Variants in MEGF9 observed in about 807,000 individuals in gnomAD.
MEGF9 encodes the protein multiple epidermal growth factor-like domains protein 9.
MEGF9 carries 6 observed loss-of-function variants against 46.8 expected under a neutral mutation model. The observed-to-expected ratio is 0.13, with a 90% CI of 0.07 to 0.25. The LOEUF is 0.25. MEGF9 is among the 10% of genes least tolerant of loss of function. MEGF9 has a pLI of 1.00. For missense variants in MEGF9, 683 were observed against 792.4 expected (o/e 0.86, Z 1.66); for synonymous variants, 302 against 330.7 (o/e 0.91, Z 0.94).
chr9:120,699,795 G>C (rs2043895408), intron 1 of MEGF9, among the ~76,000 whole-genome samples: 1 of 149,008 alleles, frequency 6.7e-6, no homozygotes, highest in Non-Finnish European at 1.5e-5. Context: ...ATTACATAAA[G>C]CACAACTTAT....
Position 120,630,329 on chromosome 9 carries a change from T to C in MEGF9, c.804-7574A>G, listed in dbSNP as rs567386913. Among the ~76,000 whole-genome samples the C allele has an allele frequency of 4.6e-5, 7 of 152,358 alleles. No homozygotes were observed. The South Asian group carries it at 1.0e-3, about 23-fold the overall frequency. ...AGATAATGTTCTTCAAGTTCATCCA[T>C]TGTGCCATGAATGATAGAATTTCAT... On this transcript the variant is annotated intron_variant, in intron 2 of 5. Transcript: ENST00000373930.
At chr9:120,698,277 ATCCCAAGGAGTATATAC>A (rs2043887892) in intron 1 of MEGF9, among the ~76,000 whole-genome samples, 2 of 152,204 alleles carry the variant, frequency 1.3e-5, no homozygotes, top group African/African-American at 2.4e-5. Flanking sequence ...CCTACATAAG[ATCCCAAGGAGTATATAC>A]TCACCAGAAC....
At chr9:120,707,977 G>A (rs189788039) in intron 1 of MEGF9, among the ~76,000 whole-genome samples, 478 of 152,200 alleles carry the variant, frequency 3.1e-3, no homozygotes, top group Non-Finnish European at 4.5e-3. Flanking sequence ...CTTGGGAGGC[G>A]GAGGTTGCAG....
rs1196347079 is a variant in MEGF9, at chr9:120,601,450, G to A, written c.*3740C>T. ...TCTACTCCCAAAACAGCACTTAAAGGGTTAAATATCCTGATGGTACTCAGC... is the reference window on the plus strand; with the variant it reads ...TCTACTCCCAAAACAGCACTTAAAGAGTTAAATATCCTGATGGTACTCAGC... On this transcript the variant is annotated 3_prime_UTR_variant, in exon 6 of 6. Transcript: ENST00000373930. 6.6e-6 allele frequency: 1 copy of A among 152,146 alleles called. No homozygotes were observed. Among genetic ancestry groups the A allele is most frequent in the East Asian group, 1.9e-4 (1 of 5,198 alleles). 9.4% of individuals were successfully genotyped at this position (152,146 alleles called of 1,614,324 possible). A position where few individuals can be genotyped will look rare whatever the true frequency, so the allele number is the denominator to read the frequency against.
At chr9:120,707,227 T>TAA (rs1449154529) in intron 1 of MEGF9, among the ~76,000 whole-genome samples, 4 of 152,194 alleles carry the variant, frequency 2.6e-5, no homozygotes, top group Non-Finnish European at 4.4e-5. Context: ...TAATTACTAT[T>TAA]ATAGTAGTCC....
chr9:120,714,268 CGGCG>C lies in MEGF9; in HGVS notation c.87_90del (p.Ala30ProfsTer130), dbSNP rs1218125247. The C allele has an allele frequency of 9.1e-5, 11 of 121,388 alleles. No individual in the cohort carries two copies. Among genetic ancestry groups the C allele is most frequent in the Non-Finnish European group, 6.5e-5 (6 of 92,484 alleles). 7.5% of individuals were successfully genotyped at this position (121,388 alleles called of 1,614,324 possible). ...CCCGCCGAGGCGGCTGAGGCGACGG[CGGCG>C]GCGGCGGCGGCGGCGGCGCAGCACA... On this transcript the variant is annotated frameshift_variant, in exon 1 of 6. Transcript: ENST00000373930. LOFTEE classifies it high-confidence loss of function.
intron 2 of MEGF9, among the ~76,000 whole-genome samples, chr9:120,653,030 TC>T (rs1253861564): frequency 6.6e-6 from 1 of 152,180 alleles, no homozygotes; most frequent in Non-Finnish European, 1.5e-5. Flanking sequence ...CAAATTCCGC[TC>T]CCTTTCTACT....
chr9:120,689,163 A>G (rs1017273806), intron 1 of MEGF9, among the ~76,000 whole-genome samples: 5 of 152,344 alleles, frequency 3.3e-5, no homozygotes, highest in African/African-American at 1.2e-4. Context: ...GTGTTTGCAC[A>G]TGGAGAACCA....
chr9:120,622,578 T>C (rs2043504935), intron 3 of MEGF9, 38 bp downstream of exon 3: 5 of 1,608,512 alleles, frequency 3.1e-6, no homozygotes, highest in Non-Finnish European at 4.2e-6. Flanking sequence ...AAAAGAACAG[T>C]GGAATAATTA....
intron 1 of MEGF9, among the ~76,000 whole-genome samples, chr9:120,677,148 T>G (rs2043776744): frequency 6.6e-6 from 1 of 150,842 alleles, no homozygotes; most frequent in African/African-American, 2.4e-5. Context: ...TGTGTGTATG[T>G]GACCGGATCT....
intron 2 of MEGF9, among the ~76,000 whole-genome samples, chr9:120,640,185 G>C (rs569563944): frequency 2.3e-4 from 35 of 152,116 alleles, no homozygotes; most frequent in Admixed American, 5.9e-4. Flanking sequence ...CCTAACTCCT[G>C]TTCCCAATTT....
Position 120,713,932 on chromosome 9 carries a change from G to A in MEGF9, c.427C>T (p.Pro143Ser). Residue 143 changes from proline (P) to serine (S), a missense_variant, in exon 1 of 6, where the codon CCC becomes TCC. By Grantham distance (74) the Pro-to-Ser change is moderately conservative. Coordinates refer to ENST00000373930, the MANE Select transcript of MEGF9 (RefSeq NM_001080497.3). Reference sequence around the variant, plus strand: ...GTCGTCGAAAGGGTGGTCGGCGCGGGTCTGGTCGGCGCCTGAGAGGTGGTC... The same window carrying A: ...GTCGTCGAAAGGGTGGTCGGCGCGGATCTGGTCGGCGCCTGAGAGGTGGTC... ...TSTTSQAPTR[P>S]APTTLSTTTG... is the part of the protein sequence containing the mutation. 7.3e-7 allele frequency: 1 copy of A among 1,368,448 alleles called. No homozygotes were observed. Among genetic ancestry groups the A allele is most frequent in the Non-Finnish European group, 9.5e-7 (1 of 1,055,686 alleles). The allele number at this position is 1,368,448 out of a possible 1,614,324, so 84.8% of individuals were successfully genotyped here. A position where few individuals can be genotyped will look rare whatever the true frequency, so the allele number is the denominator to read the frequency against.
Position 120,714,183 on chromosome 9 carries a change from A to C in MEGF9, c.176T>G (p.Leu59Trp). The C allele has an allele frequency of 8.1e-7, 1 of 1,235,102 alleles. No homozygotes were observed. Among genetic ancestry groups the C allele is most frequent in the Non-Finnish European group, 1.0e-6 (1 of 990,570 alleles). 76.5% of individuals were successfully genotyped at this position (1,235,102 alleles called of 1,614,324 possible). A position where few individuals can be genotyped will look rare whatever the true frequency, so the allele number is the denominator to read the frequency against. ...GQVDASPGPG[L>W]RGEPSHPFPR... Reference sequence around the variant, plus strand: ...GAAGGGGTGGCTGGGCTCGCCCCGCAACCCGGGGCCCGGCGACGCGTCCAC... The same window carrying C: ...GAAGGGGTGGCTGGGCTCGCCCCGCCACCCGGGGCCCGGCGACGCGTCCAC... Residue 59 changes from leucine to tryptophan, a missense_variant, in exon 1 of 6, where the codon TTG (leucine) becomes TGG (tryptophan). By Grantham distance (61) the Leu-to-Trp change is moderately conservative. Transcript: ENST00000373930.
intron 1 of MEGF9, among the ~76,000 whole-genome samples, chr9:120,707,438 G>A (rs2043933798): frequency 1.3e-5 from 2 of 152,216 alleles, no homozygotes; most frequent in Non-Finnish European, 2.9e-5. Flanking sequence ...GATACGTGCA[G>A]TTTGCTGCAG....
At chr9:120,635,364 C>T (rs2043569471) in intron 2 of MEGF9, among the ~76,000 whole-genome samples, 1 of 152,234 alleles carries the variant, frequency 6.6e-6, no homozygotes, top group South Asian at 2.1e-4. Context: ...AATTTCTCCA[C>T]ACGCTTGGGA....
At chr9:120,678,433 A>C (rs544440302) in intron 1 of MEGF9, among the ~76,000 whole-genome samples, 5 of 152,176 alleles carry the variant, frequency 3.3e-5, no homozygotes, top group African/African-American at 1.2e-4. Context: ...CTTTCTCCAC[A>C]TCCTCACCAG....
intron 4 of MEGF9, among the ~76,000 whole-genome samples, chr9:120,611,452 G>T (rs534784399): frequency 6.6e-6 from 1 of 152,066 alleles, no homozygotes; most frequent in African/African-American, 2.4e-5. Flanking sequence ...TAACATGAAT[G>T]AACTGAAAAT....
At chr9:120,614,976 A>G (rs982862309) in intron 3 of MEGF9, among the ~76,000 whole-genome samples, 1 of 151,932 alleles carries the variant, frequency 6.6e-6, no homozygotes, top group East Asian at 1.9e-4. Context: ...ATGGTGGCTC[A>G]CGCCTGTAAT....
rs1467090049 is a variant in MEGF9, at chr9:120,622,644, A to C, written c.915T>G (p.Asn305Lys). The change falls in exon 3 of 6, where the codon AAT becomes AAG. Residue 305 changes from asparagine to lysine, a missense_variant. Physicochemically the swap from Asn to Lys is moderately conservative, Grantham distance 94. Around this residue, in one of 2 missense-constraint regions of MEGF9, gnomAD observed 313 missense variants for 421.1 expected, o/e 0.74. Coordinates refer to ENST00000373930, the MANE Select transcript of MEGF9 (RefSeq NM_001080497.3). ...TGAGGGCATCGCAACTGGCAGACCG[A>C]TTATTGCATTGGCAGGGCAAGCAGC... ...KNGCLPCQCN[N>K]RSASCDALTG... 1 of 1,613,838 alleles carries C rather than the reference A, an allele frequency of 6.2e-7. No individual in the cohort carries two copies. The highest frequency in any genetic ancestry group is 8.5e-7 in the Non-Finnish European group (1 of 1,179,846).
Sources: allele counts gnomAD v4.1 joint callset (sites outside exome capture counted in the v4.1 genomes callset), GRCh38; gene constraint gnomAD v4.1.1; regional missense constraint gnomAD v4.1.1; transcripts MANE v1.5; gene names NCBI Gene and HGNC (gene_info 2026-07-23, HGNC 2026-07-21).